Variants in KLHL13 observed in about 807,000 individuals in gnomAD.
The protein encoded by KLHL13 is kelch like family member 13.
Under a neutral mutation model 37.1 loss-of-function variants are expected in KLHL13, and 10 were observed. The observed-to-expected ratio is 0.27, with a 90% confidence interval of 0.17 to 0.46. KLHL13 has a LOEUF of 0.46. KLHL13 is among the 20% of genes least tolerant of loss of function. KLHL13 has a pLI of 1.00. For missense variants in KLHL13, 360 were observed against 509.3 expected (o/e 0.71, Z 2.82); for synonymous variants, 163 against 181.2 (o/e 0.90, Z 0.81).
intron 1 of KLHL13, among the ~76,000 whole-genome samples, chrX:118,078,618 G>A (rs966757238): frequency 1.8e-5 from 2 of 111,439 alleles, no homozygotes; most frequent in African/African-American, 3.2e-5. Context: ...TTGTTAAGTA[G>A]TATATTTTGG....
At chrX:118,031,560 TTA>T (rs1463157971) in intron 1 of KLHL13, among the ~76,000 whole-genome samples, 8 of 83,931 alleles carry the variant, frequency 9.5e-5, no homozygotes, top group African/African-American at 3.4e-4. Flanking sequence ...ATATATTTAG[TTA>T]TATATATATT....
intron 1 of KLHL13, among the ~76,000 whole-genome samples, chrX:118,081,110 G>C (rs139695376): frequency 9.0e-6 from 1 of 111,455 alleles, no homozygotes; most frequent in African/African-American, 3.3e-5. Context: ...TGGACTACTA[G>C]AGGGGTGAGG....
chrX:118,076,732 GT>G (rs774998130), intron 1 of KLHL13, among the ~76,000 whole-genome samples: 449 of 110,969 alleles, frequency 4.0e-3, no homozygotes, highest in Non-Finnish European at 6.8e-3. Flanking sequence ...CTCCTTTTCT[GT>G]CCCCCACCCC....
intron 1 of KLHL13, among the ~76,000 whole-genome samples, chrX:117,963,993 G>T (rs1261678711): frequency 4.0e-5 from 3 of 75,849 alleles, no homozygotes; most frequent in East Asian, 4.5e-4. Context: ...ATTGAACAAT[G>T]AGATCACATG....
chrX:117,989,996 C>T (rs1167674614), intron 1 of KLHL13, among the ~76,000 whole-genome samples: 2 of 111,003 alleles, frequency 1.8e-5, no homozygotes, highest in African/African-American at 6.5e-5. Flanking sequence ...ACATAGTAAC[C>T]CAATTATAGG....
At chrX:117,917,189 G>A (rs1931420264) in intron 4 of KLHL13, among the ~76,000 whole-genome samples, 1 of 111,669 alleles carries the variant, frequency 9.0e-6, no homozygotes, top group South Asian at 3.7e-4. Context: ...GATTCTGAGA[G>A]GGAAGAGATT....
intron 1 of KLHL13, among the ~76,000 whole-genome samples, chrX:118,085,285 G>A (rs932334796): frequency 5.4e-5 from 6 of 110,769 alleles, no homozygotes; most frequent in African/African-American, 1.6e-4. Context: ...GACACAATAG[G>A]CCATTTATTG....
chrX:117,992,596 C>CTT (rs372885384), intron 1 of KLHL13, among the ~76,000 whole-genome samples: 1 of 102,937 alleles, frequency 9.7e-6, no homozygotes, highest in Admixed American at 1.0e-4. Flanking sequence ...TAAGGCTGGG[C>CTT]TTTTTTTTTT....
intron 1 of KLHL13, among the ~76,000 whole-genome samples, chrX:118,054,846 C>T (rs992224984): frequency 2.7e-5 from 3 of 110,898 alleles, no homozygotes; most frequent in Admixed American, 1.9e-4. Context: ...ACATCCTATT[C>T]GATCAAAAGC....
At chrX:118,053,517 C>T (rs919484232) in intron 1 of KLHL13, among the ~76,000 whole-genome samples, 7 of 110,350 alleles carry the variant, frequency 6.3e-5, no homozygotes, top group Non-Finnish European at 1.3e-4. Context: ...GGAGGGATAG[C>T]ATTAGGAGAT....
intron 1 of KLHL13, among the ~76,000 whole-genome samples, chrX:118,046,191 T>C (rs1342355548): frequency 8.9e-6 from 1 of 112,651 alleles, no homozygotes; most frequent in East Asian, 2.8e-4. Context: ...ATATACACAA[T>C]GGAGTACTAT....
chrX:118,110,280 C>T (rs2055393970), intron 1 of KLHL13, among the ~76,000 whole-genome samples: 1 of 110,466 alleles, frequency 9.1e-6, no homozygotes, highest in African/African-American at 3.3e-5. Context: ...CACTCATGTC[C>T]CCATGTAACC....
chrX:118,064,661 T>A (rs1383980302), intron 1 of KLHL13, among the ~76,000 whole-genome samples: 3 of 111,870 alleles, frequency 2.7e-5, no homozygotes, highest in Non-Finnish European at 5.7e-5. Context: ...GTCCTACTTA[T>A]AGCCTCTTTT....
chrX:117,958,002 T>C (rs2053230943), intron 1 of KLHL13, among the ~76,000 whole-genome samples: 2 of 111,771 alleles, frequency 1.8e-5, no homozygotes, highest in Admixed American at 1.9e-4. Context: ...CACTAGTAGA[T>C]TGCTTCTAGT....
At chrX:118,070,628 A>G (rs2054848063) in intron 1 of KLHL13, among the ~76,000 whole-genome samples, 1 of 110,960 alleles carries the variant, frequency 9.0e-6, no homozygotes, top group Admixed American at 9.6e-5. Flanking sequence ...CAAATTATGT[A>G]TAACCATAAT....
At chrX:118,049,441 AGTTT>A (rs1465595579) in intron 1 of KLHL13, among the ~76,000 whole-genome samples, 1 of 111,960 alleles carries the variant, frequency 8.9e-6, no homozygotes, top group East Asian at 2.8e-4. Context: ...TTTAAAAAAT[AGTTT>A]GTTAGACAAA....
chrX:118,068,336 A>C (rs749588289), intron 1 of KLHL13, among the ~76,000 whole-genome samples: 1 of 111,347 alleles, frequency 9.0e-6, no homozygotes, highest in East Asian at 2.8e-4. Context: ...ACAACAAATA[A>C]ACAGCTATAT....
At chrX:117,916,166 AAAAC>A (rs1158249761) in intron 4 of KLHL13, among the ~76,000 whole-genome samples, 1 of 93,554 alleles carries the variant, frequency 1.1e-5, no homozygotes, top group Non-Finnish European at 2.2e-5. Flanking sequence ...CTCAAAAAAC[AAAAC>A]AAACAAACAA....
At chrX:117,909,794 C>T in exon 5 of KLHL13, 1 of 1,211,775 alleles carries the variant, frequency 8.3e-7, no homozygotes, top group Non-Finnish European at 1.1e-6. Context: ...AATTAATGAG[C>T]TCCTGTGGTG....
Sources: allele counts gnomAD v4.1 joint callset (sites outside exome capture counted in the v4.1 genomes callset), GRCh38; gene constraint gnomAD v4.1.1; transcripts MANE v1.5; gene names NCBI Gene and HGNC (gene_info 2026-07-23, HGNC 2026-07-21).